Variants in AP3B1 observed in about 807,000 individuals in gnomAD.
AP3B1 encodes the protein adaptor related protein complex 3 subunit beta 1.
Under a neutral mutation model 132.5 loss-of-function variants are expected in AP3B1, and 61 were observed. The observed-to-expected ratio is 0.46, with a 90% confidence interval of 0.37 to 0.57. The LOEUF (loss-of-function observed/expected upper bound fraction) is 0.57, where lower values mean the gene tolerates loss of function less well. AP3B1 is among the 20% of genes least tolerant of loss of function. AP3B1 has a pLI of 0.00. For synonymous variants in AP3B1, 388 were observed against 438.3 expected (o/e 0.89, Z 1.43); for missense variants, 1,120 against 1,289.4 (o/e 0.87, Z 2.01).
chr5:78,096,479 G>A (rs1208981445), intron 21 of AP3B1, among the ~76,000 whole-genome samples: 2 of 151,084 alleles, frequency 1.3e-5, no homozygotes, highest in African/African-American at 4.9e-5. Context: ...CCCATCGTCT[G>A]GGATGTGAGG....
chr5:78,241,030 T>C lies in AP3B1; in HGVS notation c.205-94A>G, dbSNP rs1747111737. ...ACAAATAAGCTACGTAATTAACCGC[T>C]GAACTCTTTTTGAATCATCTTACCT... On this transcript the variant is annotated intron_variant, in intron 2 of 26. Transcript: ENST00000255194. 2.6e-5 allele frequency: 23 copies of C among 872,598 alleles called. 1 individual carries two copies. The highest frequency in any genetic ancestry group is 1.3e-4 in the Admixed American group (7 of 52,502). 54.1% of individuals were successfully genotyped at this position (872,598 alleles called of 1,614,324 possible). A position where few individuals can be genotyped will look rare whatever the true frequency, so the allele number is the denominator to read the frequency against.
rs192015091 is a variant in AP3B1 at position 78,212,190 on chromosome 5, G to A, written c.786+3865C>T. On this transcript the variant is annotated intron_variant, in intron 7 of 26. Transcript: ENST00000255194. ...ACCTACTTGGGAGGTTGAGGCAGACGAATCGCTTCAACCCAGGAGGCAAGA... is the reference window on the plus strand; with the variant it reads ...ACCTACTTGGGAGGTTGAGGCAGACAAATCGCTTCAACCCAGGAGGCAAGA... 1.6e-4 allele frequency among the ~76,000 whole-genome samples: 24 copies of A among 152,258 alleles called. 1 individual carries two copies. The Middle Eastern group carries it at 0.01, about 65-fold the overall frequency.
chr5:78,003,794 C>T (rs188914817), intron 26 of AP3B1, among the ~76,000 whole-genome samples: 35 of 152,288 alleles, frequency 2.3e-4, no homozygotes, highest in African/African-American at 7.5e-4. Flanking sequence ...ACTGATTACA[C>T]GGAACTAAAA....
intron 11 of AP3B1, among the ~76,000 whole-genome samples, chr5:78,173,496 C>G (rs894205502): frequency 1.3e-5 from 2 of 152,168 alleles, no homozygotes; most frequent in East Asian, 1.9e-4. Flanking sequence ...GAATTGATCC[C>G]TTTACCATTA....
chr5:78,120,019 G>C (rs1459153219), intron 17 of AP3B1, among the ~76,000 whole-genome samples: 1 of 152,224 alleles, frequency 6.6e-6, no homozygotes, highest in African/African-American at 2.4e-5. Context: ...AGCCAGAGGA[G>C]AGTGGGGGCC....
intron 1 of AP3B1, among the ~76,000 whole-genome samples, chr5:78,289,301 T>C (rs1014517691): frequency 1.3e-5 from 2 of 152,328 alleles, no homozygotes; most frequent in Non-Finnish European, 1.5e-5. Flanking sequence ...TAAGAATGAA[T>C]GTAATAGAAT....
In AP3B1 at chr5:78,294,685, G is replaced by C; in HGVS notation, c.-106C>G. On this transcript the variant is annotated 5_prime_UTR_variant, in exon 1 of 27. Transcript: ENST00000255194. ...AACTAGTTCTCGTACGGAGGAGCGCGCGCAGGCGCTTCCGGACTCGTCACG... is the reference window on the plus strand; with the variant it reads ...AACTAGTTCTCGTACGGAGGAGCGCCCGCAGGCGCTTCCGGACTCGTCACG... 2 of 1,566,774 alleles carry C rather than the reference G, an allele frequency of 1.3e-6. No individual in the cohort carries two copies. The highest frequency in any genetic ancestry group is 1.7e-6 in the Non-Finnish European group (2 of 1,149,740).
chr5:78,245,775 G>A (rs925004932), intron 2 of AP3B1, among the ~76,000 whole-genome samples: 2 of 152,172 alleles, frequency 1.3e-5, no homozygotes, highest in Non-Finnish European at 2.9e-5. Context: ...TAGGAATTGA[G>A]GGGAGCCACA....
chr5:78,099,475 C>T (rs1055400106), intron 21 of AP3B1, among the ~76,000 whole-genome samples: 5 of 152,022 alleles, frequency 3.3e-5, no homozygotes, highest in Non-Finnish European at 5.9e-5. Flanking sequence ...GTCTGAGAAA[C>T]CTGGGAAAGG....
Position 78,229,651 on chromosome 5 carries a change from G to A in AP3B1, c.280-1412C>T, listed in dbSNP as rs142537563. 1.0e-3 allele frequency among the ~76,000 whole-genome samples: 158 copies of A among 151,948 alleles called. 1 individual carries two copies. The highest frequency in any genetic ancestry group is 3.7e-3 in the African/African-American group (154 of 41,434). Reference sequence around the variant, plus strand: ...CTACCTGGGAGGCTGAGATGGGAGAGTCACCTGAGCCTGGGAGGTCGAAGC... The same window carrying A: ...CTACCTGGGAGGCTGAGATGGGAGAATCACCTGAGCCTGGGAGGTCGAAGC... On this transcript the variant is annotated intron_variant, in intron 3 of 26. Coordinates refer to ENST00000255194, the MANE Select transcript of AP3B1 (RefSeq NM_003664.5).
chr5:78,101,165 T>C, intron 20 of AP3B1, 140 bp from the exon 21 acceptor site: 1 of 595,230 alleles, frequency 1.7e-6, no homozygotes, highest in Non-Finnish European at 3.0e-6. Context: ...TTATATAAAA[T>C]GTTTTCCTGA....
intron 7 of AP3B1, among the ~76,000 whole-genome samples, chr5:78,209,548 T>A (rs182617029): frequency 1.3e-5 from 2 of 152,284 alleles, no homozygotes; most frequent in Admixed American, 6.5e-5. Flanking sequence ...CCAATGTGCA[T>A]CTTACAGGTA....
At chr5:78,205,419 T>C (rs1745463285) in intron 7 of AP3B1, among the ~76,000 whole-genome samples, 1 of 151,718 alleles carries the variant, frequency 6.6e-6, no homozygotes, top group Non-Finnish European at 1.5e-5. Context: ...AAAGATGGAA[T>C]CATATATATA....
chr5:78,179,583 C>T (rs1314410857), intron 8 of AP3B1, among the ~76,000 whole-genome samples: 1 of 152,226 alleles, frequency 6.6e-6, no homozygotes, highest in South Asian at 2.1e-4. Context: ...TTACATCATG[C>T]CTGTTCATAA....
intron 14 of AP3B1, among the ~76,000 whole-genome samples, chr5:78,146,121 G>T (rs1753378754): frequency 6.6e-6 from 1 of 152,136 alleles, no homozygotes; most frequent in South Asian, 2.1e-4. Flanking sequence ...CCTACGTTTA[G>T]GAGTTATCAG....
intron 22 of AP3B1, among the ~76,000 whole-genome samples, chr5:78,054,053 A>G (rs2112130405): frequency 6.6e-6 from 1 of 152,324 alleles, no homozygotes; most frequent in Middle Eastern, 3.4e-3. Flanking sequence ...TGAAATGGGG[A>G]CACTAGCACC....
At chr5:78,264,881 C>A (rs1748254045) in intron 2 of AP3B1, among the ~76,000 whole-genome samples, 1 of 152,180 alleles carries the variant, frequency 6.6e-6, no homozygotes, top group Non-Finnish European at 1.5e-5. Flanking sequence ...ATTAAAATTT[C>A]TTTCCATGGT....
intron 23 of AP3B1, among the ~76,000 whole-genome samples, chr5:78,035,258 C>A (rs575406163): frequency 5.3e-5 from 8 of 151,938 alleles, no homozygotes; most frequent in African/African-American, 1.9e-4. Context: ...TTGAGGGGAT[C>A]TTAAATAAAT....
At position 78,002,656 on chromosome 5, in the gene AP3B1, T is replaced by C. The variant is rs1474614632; in HGVS notation, c.*246A>G. ...GCAGCAGGACAGAGAAAACGCCACA[T>C]GGATTCAAGAGTTGAGACAACTGAC... On this transcript the variant is annotated 3_prime_UTR_variant, in exon 27 of 27. Transcript: ENST00000255194. 9.9e-6 allele frequency: 6 copies of C among 604,102 alleles called. No homozygotes were observed. The highest frequency in any genetic ancestry group is 1.8e-5 in the Non-Finnish European group (6 of 341,172). The allele number at this position is 604,102 out of a possible 1,614,324, so 37.4% of individuals were successfully genotyped here.
Sources: allele counts gnomAD v4.1 joint callset (sites outside exome capture counted in the v4.1 genomes callset), GRCh38; gene constraint gnomAD v4.1.1; transcripts MANE v1.5; gene names NCBI Gene and HGNC (gene_info 2026-07-23, HGNC 2026-07-21).